Variants in ZNF609 observed in about 807,000 individuals in gnomAD.
The protein encoded by ZNF609 is zinc finger protein 609.
In ZNF609, 11 loss-of-function variants were observed where a neutral mutation model predicts 109.5. The ratio of observed to expected loss-of-function variants is 0.10; its 90% confidence interval spans 0.06 to 0.17. The LOEUF is 0.17. Ranked by LOEUF, ZNF609 falls within the 10% of genes least tolerant of loss-of-function variation. The pLI is 1.00. For synonymous variants in ZNF609, 646 were observed against 662.0 expected (o/e 0.98, Z 0.37); for missense variants, 1,559 against 1,772.4 (o/e 0.88, Z 2.16).
At chr15:64,529,048 A>T in intron 2 of ZNF609, 1 of 1,368,754 alleles carries the variant, frequency 7.3e-7, no homozygotes, top group Admixed American at 1.8e-5. Context: ...GCCAGTAGAG[A>T]CAGGGATGAT....
At chr15:64,663,177 A>G (rs1374542176) in intron 3 of ZNF609, among the ~76,000 whole-genome samples, 1 of 152,138 alleles carries the variant, frequency 6.6e-6, no homozygotes, top group Admixed American at 6.5e-5. Flanking sequence ...TTAGGAAGCT[A>G]TTGCAATAAT....
In ZNF609 at chr15:64,684,399, A is replaced by C. The variant is rs972276925; in HGVS notation, c.*2713A>C. 6.6e-6 allele frequency: 1 copy of C among 152,262 alleles called. No homozygotes were observed. The highest frequency in any genetic ancestry group is 6.5e-5 in the Admixed American group (1 of 15,276). The allele number at this position is 152,262 out of a possible 1,614,324, so 9.4% of individuals were successfully genotyped here. ...ACATTGCTCACGGGGCTTCCCATAG[A>C]GGAGAAGCTAAAGAGGGAGGGGGCC... On this transcript the variant is annotated 3_prime_UTR_variant, in exon 10 of 10. Coordinates refer to ENST00000326648, the MANE Select transcript of ZNF609 (RefSeq NM_015042.2).
chr15:64,607,848 TTTC>T (rs1180804918), intron 2 of ZNF609, among the ~76,000 whole-genome samples: 904 of 27,256 alleles, frequency 0.033, 219 homozygotes, highest in Non-Finnish European at 0.079. Context: ...TCTTTCTTTC[TTTC>T]TTTCTTTCTT....
intron 2 of ZNF609, among the ~76,000 whole-genome samples, chr15:64,567,465 G>C (rs1447688084): frequency 6.6e-6 from 1 of 151,306 alleles, no homozygotes; most frequent in Admixed American, 6.6e-5. Flanking sequence ...CCTGGCGACA[G>C]AGCAAGACTC....
rs1896781687 is a variant in ZNF609, at chr15:64,674,600, A to G, written c.1746A>G (p.Lys582=). The G allele has an allele frequency of 1.2e-6, 2 of 1,613,928 alleles. No homozygotes were observed. Among genetic ancestry groups the G allele is most frequent in the South Asian group, 2.2e-5 (2 of 91,084 alleles). The change falls in exon 5 of 10, where the codon AAA becomes AAG. Residue 582 remains lysine (K), a synonymous_variant. Coordinates refer to ENST00000326648, the MANE Select transcript of ZNF609 (RefSeq NM_015042.2). ...CCCATAGCCCTTCTCCTTCAAGCAA[A>G]TTCAGCACAAAAGGCCTCTGTAAGA... The part of the protein sequence containing the change: ...VEPHSPSPSS[K]FSTKGLCKKK...
chr15:64,565,180 C>T (rs1894756450), intron 2 of ZNF609, among the ~76,000 whole-genome samples: 1 of 149,898 alleles, frequency 6.7e-6, no homozygotes, highest in Admixed American at 6.6e-5. Flanking sequence ...CTGCCTCAGC[C>T]TCTCGAGTAG....
chr15:64,503,521 A>G (rs1440031128), intron 2 of ZNF609, among the ~76,000 whole-genome samples: 1 of 152,156 alleles, frequency 6.6e-6, no homozygotes, highest in African/African-American at 2.4e-5. Flanking sequence ...GGCAAGAAAA[A>G]AGGAATTTAC....
At chr15:64,585,323 GA>G (rs79027116) in intron 2 of ZNF609, among the ~76,000 whole-genome samples, 16 of 149,222 alleles carry the variant, frequency 1.1e-4, no homozygotes, top group East Asian at 9.8e-4. Flanking sequence ...AGACTCTGGG[GA>G]AAAAAAAAAT....
intron 2 of ZNF609, among the ~76,000 whole-genome samples, chr15:64,523,740 G>A (rs1181960479): frequency 1.3e-5 from 2 of 150,910 alleles, no homozygotes; most frequent in African/African-American, 4.9e-5. Context: ...TCCAGCCTGG[G>A]CAACAGAGCA....
intron 3 of ZNF609, among the ~76,000 whole-genome samples, chr15:64,648,351 G>T (rs1217214382): frequency 6.6e-6 from 1 of 152,122 alleles, no homozygotes; most frequent in Non-Finnish European, 1.5e-5. Context: ...AATTAGCCAG[G>T]CATGGTGTCA....
At chr15:64,576,634 G>T (rs566438347) in intron 2 of ZNF609, among the ~76,000 whole-genome samples, 46 of 151,746 alleles carry the variant, frequency 3.0e-4, no homozygotes, top group African/African-American at 1.1e-3. Context: ...AAAGGTTAAA[G>T]GAATCCTCAA....
chr15:64,541,244 G>A (rs937948512), intron 2 of ZNF609, among the ~76,000 whole-genome samples: 59 of 145,198 alleles, frequency 4.1e-4, no homozygotes, highest in East Asian at 3.0e-3. Flanking sequence ...TGGCTAACAC[G>A]GTGAAACCCC....
intron 2 of ZNF609, among the ~76,000 whole-genome samples, chr15:64,538,010 G>A (rs1894184231): frequency 6.6e-6 from 1 of 152,076 alleles, no homozygotes; most frequent in Admixed American, 6.6e-5. Flanking sequence ...GGAGGCTGAG[G>A]TGGGAGAATT....
At chr15:64,567,648 C>CA (rs1380590890) in intron 2 of ZNF609, among the ~76,000 whole-genome samples, 1 of 151,888 alleles carries the variant, frequency 6.6e-6, no homozygotes, top group Non-Finnish European at 1.5e-5. Flanking sequence ...TTCCCCCTCC[C>CA]AACATTTATT....
intron 2 of ZNF609, chr15:64,529,667 C>T: frequency 1.3e-6 from 1 of 750,464 alleles, no homozygotes; most frequent in South Asian, 1.3e-5. Flanking sequence ...CTTCACCTTA[C>T]CCATGGTGTC....
At chr15:64,476,584 G>A (rs1893173654) in intron 1 of ZNF609, among the ~76,000 whole-genome samples, 1 of 152,188 alleles carries the variant, frequency 6.6e-6, no homozygotes, top group Non-Finnish European at 1.5e-5. Flanking sequence ...GTCTACAGTT[G>A]TTCCAGAGTC....
At chr15:64,610,829 C>T (rs1428057856) in intron 2 of ZNF609, among the ~76,000 whole-genome samples, 1 of 152,132 alleles carries the variant, frequency 6.6e-6, no homozygotes, top group African/African-American at 2.4e-5. Context: ...AATAATGATT[C>T]ATTAGTTCTT....
chr15:64,464,593 A>G (rs1365274346), intron 1 of ZNF609, among the ~76,000 whole-genome samples: 1 of 152,232 alleles, frequency 6.6e-6, no homozygotes, highest in Non-Finnish European at 1.5e-5. Context: ...TTTCCTTTAA[A>G]GAAAACAAAC....
Position 64,609,276 on chromosome 15 carries a change from C to T in ZNF609, c.748-13551C>T, listed in dbSNP as rs556770184. ...TCTCGGCTCACTGCAACCTCTGCTT[C>T]CTGGGTTCAAGCAATTGTCATGCCT... On this transcript the variant is annotated intron_variant, in intron 2 of 9. Transcript: ENST00000326648. Among the ~76,000 whole-genome samples the T allele has an allele frequency of 2.4e-3, 359 of 151,688 alleles. 3 individuals carry two copies. The highest frequency in any genetic ancestry group is 3.2e-3 in the Non-Finnish European group (217 of 67,922).
Sources: allele counts gnomAD v4.1 joint callset (sites outside exome capture counted in the v4.1 genomes callset), GRCh38; gene constraint gnomAD v4.1.1; transcripts MANE v1.5; gene names NCBI Gene and HGNC (gene_info 2026-07-23, HGNC 2026-07-21).